The following BTBD10 variants were observed in gnomAD, a reference collection of about 807,000 sequenced individuals.
The protein encoded by BTBD10 is BTB/POZ domain-containing protein 10.
Under a neutral mutation model 53.2 loss-of-function variants are expected in BTBD10, and 21 were observed. The observed-to-expected ratio is 0.39, with a 90% CI of 0.28 to 0.57. The LOEUF (loss-of-function observed/expected upper bound fraction) is 0.57, where lower values mean the gene tolerates loss of function less well. Ranked by LOEUF, BTBD10 falls within the 20% of genes least tolerant of loss-of-function variation. The pLI is 0.53. For synonymous variants in BTBD10, 149 were observed against 192.7 expected, an observed-to-expected ratio of 0.77 and a Z score of 1.88; for missense variants, 360 against 594.7, an observed-to-expected ratio of 0.61 and a Z score of 4.10.
chr11:13,397,520 GT>G (rs1174196285), intron 8 of BTBD10, among the ~76,000 whole-genome samples: 1 of 152,074 alleles, frequency 6.6e-6, no homozygotes, highest in African/African-American at 2.4e-5. Flanking sequence ...TTTTTGAAGG[GT>G]TTTTTGTGTC....
intron 7 of BTBD10, 37 bp from the exon 8 acceptor site, chr11:13,403,315 TA>T: frequency 8.4e-7 from 1 of 1,183,606 alleles, no homozygotes; most frequent in Non-Finnish European, 1.2e-6. Flanking sequence ...GTATTAAAAT[TA>T]AAGGATTTAG....
chr11:13,420,664 T>G (rs1248622563), intron 3 of BTBD10, among the ~76,000 whole-genome samples: 1 of 152,204 alleles, frequency 6.6e-6, no homozygotes, highest in Non-Finnish European at 1.5e-5. Flanking sequence ...GAACACTCTG[T>G]ACAGCATTAT....
chr11:13,430,406 A>G (rs1456980405), intron 2 of BTBD10, among the ~76,000 whole-genome samples: 3 of 152,232 alleles, frequency 2.0e-5, no homozygotes, highest in Non-Finnish European at 4.4e-5. Context: ...TGGAACTCTC[A>G]TACACTTGTG....
In BTBD10 at chr11:13,424,959, G is replaced by A. The variant is rs144416737; in HGVS notation, c.102-3121C>T. Reference sequence around the variant, plus strand: ...GAAAGACATGGAGCTGAGACATTGGGATAAGAGATGGCTAGAGTTCTAAGG... The same window carrying A: ...GAAAGACATGGAGCTGAGACATTGGAATAAGAGATGGCTAGAGTTCTAAGG... On this transcript the variant is annotated intron_variant, in intron 2 of 8. Transcript: ENST00000278174. 1.2e-3 allele frequency among the ~76,000 whole-genome samples: 178 copies of A among 152,274 alleles called. 1 individual carries two copies. The highest frequency in any genetic ancestry group is 2.1e-3 in the Non-Finnish European group (142 of 68,018).
intron 8 of BTBD10, among the ~76,000 whole-genome samples, chr11:13,398,703 G>A (rs888295485): frequency 4.6e-5 from 7 of 152,260 alleles, no homozygotes; most frequent in African/African-American, 1.7e-4. Context: ...CCCATATTTA[G>A]TGCTTCCTTC....
At chr11:13,395,555 T>C in intron 8 of BTBD10, among the ~76,000 whole-genome samples, 1 of 152,250 alleles carries the variant, frequency 6.6e-6, no homozygotes, top group Non-Finnish European at 1.5e-5. Context: ...TGATCCAATT[T>C]GTCAATTTTG....
In BTBD10 at chr11:13,432,917, A is replaced by G. The variant is rs554812633; in HGVS notation, c.102-11079T>C. Among the ~76,000 whole-genome samples, 76 of 152,246 alleles carry G rather than the reference A, an allele frequency of 5.0e-4. 1 individual carries two copies. The highest frequency in any genetic ancestry group is 5.0e-3 in the Admixed American group (76 of 15,288). On this transcript the variant is annotated intron_variant, in intron 2 of 8. Coordinates refer to ENST00000278174, the MANE Select transcript of BTBD10 (RefSeq NM_032320.7). ...AGAAAATAGAGGGGAGCACATTTTCAAGGAAATAATATAAGAAAAATTTCC... is the reference window on the plus strand; with the variant it reads ...AGAAAATAGAGGGGAGCACATTTTCGAGGAAATAATATAAGAAAAATTTCC...
At chr11:13,404,506 G>C (rs1019401644) in intron 7 of BTBD10, 2 of 627,362 alleles carry the variant, frequency 3.2e-6, no homozygotes, top group Non-Finnish European at 4.0e-6. Context: ...AAAGTAAAAT[G>C]TAAGTTATAA....
At chr11:13,419,769 G>T (rs1486956699) in intron 3 of BTBD10, 24 bp from the exon 4 acceptor site, 1 of 1,498,502 alleles carries the variant, frequency 6.7e-7, no homozygotes, top group Non-Finnish European at 9.0e-7. Context: ...GTTAGACGAA[G>T]TTATGCAAAT....
chr11:13,460,778 G>T (rs1481938891), intron 1 of BTBD10, among the ~76,000 whole-genome samples: 4 of 152,274 alleles, frequency 2.6e-5, no homozygotes, highest in Non-Finnish European at 2.9e-5. Flanking sequence ...TCAATGCCTA[G>T]GAAGACAATG....
chr11:13,397,741 G>A (rs1290327230), intron 8 of BTBD10, among the ~76,000 whole-genome samples: 1 of 152,146 alleles, frequency 6.6e-6, no homozygotes, highest in Non-Finnish European at 1.5e-5. Flanking sequence ...GGTATGTTGT[G>A]TCTTTTTTCT....
chr11:13,449,182 G>T (rs1950805132), intron 1 of BTBD10, among the ~76,000 whole-genome samples: 1 of 152,022 alleles, frequency 6.6e-6, no homozygotes, highest in Non-Finnish European at 1.5e-5. Flanking sequence ...TTGCTCCTCG[G>T]GACACTATTT....
chr11:13,455,380 T>C (rs549285003), intron 1 of BTBD10, among the ~76,000 whole-genome samples: 82 of 152,338 alleles, frequency 5.4e-4, no homozygotes, highest in African/African-American at 1.9e-3. Context: ...GACTTCTTAA[T>C]TAACACATTA....
intron 3 of BTBD10, among the ~76,000 whole-genome samples, chr11:13,420,891 A>T (rs1360980985): frequency 6.6e-6 from 1 of 152,214 alleles, no homozygotes; most frequent in African/African-American, 2.4e-5. Context: ...TGTCTGGCTT[A>T]TAAGTACAAG....
intron 5 of BTBD10, among the ~76,000 whole-genome samples, chr11:13,415,550 C>T (rs1565243148): frequency 6.6e-6 from 1 of 151,586 alleles, no homozygotes; most frequent in Non-Finnish European, 1.5e-5. Flanking sequence ...AAGGCCTTTG[C>T]TCACTAGAAG....
At chr11:13,420,396 G>A (rs1156713072) in intron 3 of BTBD10, among the ~76,000 whole-genome samples, 2 of 151,660 alleles carry the variant, frequency 1.3e-5, no homozygotes, top group Non-Finnish European at 2.9e-5. Context: ...TCTCATGTTT[G>A]TTGAATAAAG....
intron 1 of BTBD10, among the ~76,000 whole-genome samples, chr11:13,462,055 T>G (rs1265965248): frequency 3.3e-5 from 5 of 151,752 alleles, no homozygotes; most frequent in Non-Finnish European, 7.4e-5. Flanking sequence ...TGAACTTCAA[T>G]CCTGGACAGG....
At chr11:13,428,811 T>A (rs7103062) in intron 2 of BTBD10, among the ~76,000 whole-genome samples, 22,929 of 152,088 alleles carry the variant, frequency 0.15, 1,986 homozygotes, top group Admixed American at 0.24. Context: ...AGAAAAGACA[T>A]TCAGATTGAT....
At chr11:13,396,917 T>C (rs1206260891) in intron 8 of BTBD10, among the ~76,000 whole-genome samples, 1 of 152,224 alleles carries the variant, frequency 6.6e-6, no homozygotes, top group Non-Finnish European at 1.5e-5. Context: ...GATAAGCTTT[T>C]TGATGTGTTG....
Sources: allele counts gnomAD v4.1 joint callset (sites outside exome capture counted in the v4.1 genomes callset), GRCh38; gene constraint gnomAD v4.1.1; transcripts MANE v1.5; gene names NCBI Gene and HGNC (gene_info 2026-07-23, HGNC 2026-07-21).